Variants in ACTR3C observed in about 807,000 individuals in gnomAD.
ACTR3C encodes actin related protein 3C, also known as actin-related protein 3C.
A neutral mutation model predicts 26.3 loss-of-function variants in ACTR3C; 18 were observed. The observed-to-expected ratio is 0.68, with a 90% CI of 0.47 to 1.01. The LOEUF (loss-of-function observed/expected upper bound fraction) is 1.01, where lower values mean the gene tolerates loss of function less well. Among genes scored for constraint, ACTR3C ranks in the 50% least tolerant of loss-of-function variants. ACTR3C has a pLI of 0.00. For synonymous variants in ACTR3C, 55 were observed against 94.5 expected (o/e 0.58, Z 2.42); for missense variants, 184 against 250.7 (o/e 0.73, Z 1.80).
chr7:150,199,688 T>TA, the ACTR3C span, among the ~76,000 whole-genome samples: 742 of 36,320 alleles, frequency 0.02, 22 homozygotes, highest in East Asian at 0.089. Flanking sequence ...ACAAGAAAAG[T>TA]AAAAAAAAAA....
At chr7:150,184,159 T>A in the ACTR3C span, among the ~76,000 whole-genome samples, 1 of 150,918 alleles carries the variant, frequency 6.6e-6, no homozygotes, top group African/African-American at 2.5e-5. Flanking sequence ...TAATATGCTC[T>A]GCATACTACA....
At chr7:150,280,608 G>C (rs1403908056) in intron 6 of ACTR3C, among the ~76,000 whole-genome samples, 2 of 152,116 alleles carry the variant, frequency 1.3e-5, no homozygotes, top group African/African-American at 4.8e-5. Flanking sequence ...GTTAGGAAGA[G>C]GGTACGGTGT....
At chr7:149,918,850 C>T in the ACTR3C span, among the ~76,000 whole-genome samples, 3 of 152,298 alleles carry the variant, frequency 2.0e-5, no homozygotes, top group East Asian at 3.9e-4. Flanking sequence ...GAGCTGAGAA[C>T]GAGCCCAACA....
chr7:149,928,815 C>G, the ACTR3C span, among the ~76,000 whole-genome samples: 8 of 151,448 alleles, frequency 5.3e-5, no homozygotes, highest in Non-Finnish European at 1.0e-4. Context: ...TGCACTTCAG[C>G]CTGGGCAACA....
chr7:150,106,410 T>A, the ACTR3C span, among the ~76,000 whole-genome samples: 5 of 151,394 alleles, frequency 3.3e-5, no homozygotes, highest in African/African-American at 1.2e-4. Flanking sequence ...TGCTGTTACA[T>A]GGTATGGTTT....
the ACTR3C span, among the ~76,000 whole-genome samples, chr7:150,109,088 A>G: frequency 0.19 from 28,620 of 151,866 alleles, 3,745 homozygotes; most frequent in African/African-American, 0.35. Flanking sequence ...GTCGGGTGCG[A>G]CCAGAGGCCA....
the ACTR3C span, among the ~76,000 whole-genome samples, chr7:149,898,217 T>C: frequency 6.6e-6 from 1 of 152,012 alleles, no homozygotes; most frequent in Non-Finnish European, 1.5e-5. Flanking sequence ...TCTGTAGAAA[T>C]AGATAACATC....
the ACTR3C span, among the ~76,000 whole-genome samples, chr7:149,895,072 A>G: frequency 6.6e-6 from 1 of 152,026 alleles, no homozygotes; most frequent in Non-Finnish European, 1.5e-5. Context: ...AAAAAAAAGG[A>G]AATTCTGCCA....
the ACTR3C span, among the ~76,000 whole-genome samples, chr7:150,035,065 C>T: frequency 6.4e-5 from 9 of 141,036 alleles, no homozygotes; most frequent in Admixed American, 2.1e-4. Flanking sequence ...AAGGTACCTG[C>T]CGTCGGAAGA....
At chr7:150,182,746 G>T in the ACTR3C span, among the ~76,000 whole-genome samples, 3 of 151,044 alleles carry the variant, frequency 2.0e-5, no homozygotes, top group African/African-American at 5.0e-5. Flanking sequence ...ATCCAAAACT[G>T]ATTCTTCTAA....
chr7:150,029,418 CAAACA>C, the ACTR3C span, among the ~76,000 whole-genome samples: 3 of 17,388 alleles, frequency 1.7e-4, no homozygotes, highest in African/African-American at 5.9e-4. Context: ...AAAAAAAAAA[CAAACA>C]AAAAAAAACC....
the ACTR3C span, among the ~76,000 whole-genome samples, chr7:150,038,758 C>A: frequency 1.4e-5 from 2 of 144,672 alleles, no homozygotes; most frequent in South Asian, 4.3e-4. Context: ...GGGTCCTAAG[C>A]CAGGAGGGGA....
the ACTR3C span, among the ~76,000 whole-genome samples, chr7:150,215,823 C>A: frequency 6.6e-6 from 1 of 151,888 alleles, no homozygotes; most frequent in East Asian, 1.9e-4. Flanking sequence ...AAAAAGTGCT[C>A]ATGGAATCTG....
chr7:149,881,683 G>A, the ACTR3C span: 2 of 152,618 alleles, frequency 1.3e-5, no homozygotes, highest in East Asian at 3.9e-4. Flanking sequence ...AGGTTGCTCA[G>A]GGGGTTCAGA....
At chr7:150,291,947 G>C (rs1836303319) in intron 3 of ACTR3C, among the ~76,000 whole-genome samples, 2 of 151,446 alleles carry the variant, frequency 1.3e-5, no homozygotes, top group Admixed American at 6.6e-5. Context: ...ACAAGGTATG[G>C]GGGCGGGAGG....
chr7:150,259,534 A>G (rs934701529), intron 6 of ACTR3C, among the ~76,000 whole-genome samples: 8 of 152,348 alleles, frequency 5.3e-5, no homozygotes, highest in Non-Finnish European at 1.2e-4. Context: ...CCATGGCTGC[A>G]TGTTAAAATA....
At chr7:150,135,665 G>C in the ACTR3C span, among the ~76,000 whole-genome samples, 18 of 152,132 alleles carry the variant, frequency 1.2e-4, no homozygotes, top group South Asian at 4.2e-4. Context: ...TACACACCAA[G>C]GAAACTCTGG....
chr7:150,317,720 C>G (rs1797083276), intron 1 of ACTR3C, among the ~76,000 whole-genome samples: 1 of 152,106 alleles, frequency 6.6e-6, no homozygotes, highest in East Asian at 1.9e-4. Flanking sequence ...GTGGATATAT[C>G]TGATCATGCT....
intron 1 of ACTR3C, among the ~76,000 whole-genome samples, chr7:150,317,898 G>A (rs1267070724): frequency 6.6e-6 from 1 of 151,600 alleles, no homozygotes; most frequent in Non-Finnish European, 1.5e-5. Context: ...TGGGTTTATC[G>A]GCTCCTTGCA....
Sources: gnomAD v4.1 joint callset for allele counts (sites outside exome capture counted in the v4.1 genomes callset) on GRCh38, gnomAD v4.1.1 for gene constraint, MANE v1.5 for transcripts, NCBI Gene and HGNC (gene_info 2026-07-23, HGNC 2026-07-21) for gene names.